STPG2: variants seen among roughly 807,000 people sequenced by gnomAD.
STPG2 encodes sperm-tail PG-rich repeat-containing protein 2.
STPG2 carries 56 observed loss-of-function variants against 54.2 expected under a neutral mutation model. The ratio of observed to expected loss-of-function variants is 1.03; its 90% CI spans 0.83 to 1.29. The LOEUF (loss-of-function observed/expected upper bound fraction) is 1.29. Ranked by LOEUF, STPG2 falls within the 50% of genes most tolerant of loss-of-function variation. The probability of loss-of-function intolerance (pLI) is 0.00; values close to 1 mark genes in which losing one functional copy is unlikely to be tolerated. For missense variants in STPG2, 596 were observed against 544.9 expected (o/e 1.09, Z -0.93); for synonymous variants, 200 against 181.8 (o/e 1.10, Z -0.81).
intron 9 of STPG2, among the ~76,000 whole-genome samples, chr4:97,724,831 A>G (rs1724566106): frequency 6.6e-6 from 1 of 152,162 alleles, no homozygotes; most frequent in African/African-American, 2.4e-5. Context: ...TCAAGTTAAG[A>G]AAGTTACTTG....
chr4:97,979,678 G>T (rs528283296), intron 6 of STPG2, among the ~76,000 whole-genome samples: 1 of 151,612 alleles, frequency 6.6e-6, no homozygotes. Flanking sequence ...TTAAGGTTAG[G>T]AGTTAAAGAC....
chr4:97,702,940 C>G (rs1399934335), intron 10 of STPG2, among the ~76,000 whole-genome samples: 2 of 152,114 alleles, frequency 1.3e-5, no homozygotes, highest in African/African-American at 2.4e-5. Context: ...GACTCTGACT[C>G]AGGGCAATCT....
rs201048953 is a variant in STPG2, at chr4:97,999,021, T to C, written c.613-17703A>G. 7.0e-4 allele frequency among the ~76,000 whole-genome samples: 52 copies of C among 73,878 alleles called. 1 individual carries two copies. Among genetic ancestry groups the C allele is most frequent in the Admixed American group, 2.5e-3 (21 of 8,452 alleles). 48.5% of individuals were successfully genotyped at this position (73,878 alleles called of 152,430 possible). On this transcript the variant is annotated intron_variant, in intron 5 of 10. Coordinates refer to ENST00000295268, the MANE Select transcript of STPG2 (RefSeq NM_174952.3). ...CTCTTTCTATTTGTATTTTTTTTTC[T>C]GTAATAAACTATAGATTTAAGCATT...
At position 97,943,967 on chromosome 4, in the gene STPG2, A is replaced by G; in HGVS notation, c.974T>C (p.Leu325Ser). The G allele has an allele frequency of 6.2e-7, 1 of 1,607,130 alleles. No homozygotes were observed. Among genetic ancestry groups the G allele is most frequent in the Non-Finnish European group, 8.5e-7 (1 of 1,177,840 alleles). ...AGCATATTTGTTAGTCAAGTTAGGT[A>G]ATTCATCAGAAATTCCCACACCCTG... ...HSQGVGISDE[L>S]PNLTNKYAAF... The change falls in exon 8 of 11, where the codon TTA becomes TCA. Residue 325 changes from leucine to serine, a missense_variant. Coordinates refer to ENST00000295268, the MANE Select transcript of STPG2 (RefSeq NM_174952.3).
chr4:97,685,154 A>G (rs962897204), intron 10 of STPG2, among the ~76,000 whole-genome samples: 1 of 152,098 alleles, frequency 6.6e-6, no homozygotes, highest in Non-Finnish European at 1.5e-5. Context: ...TTTAGAAGAC[A>G]ATCTGGCAGC....
intron 5 of STPG2, among the ~76,000 whole-genome samples, chr4:98,067,900 T>G (rs1033409241): frequency 6.6e-6 from 1 of 152,164 alleles, no homozygotes; most frequent in South Asian, 2.1e-4. Context: ...TCTATCATTA[T>G]CCCAAATCCC....
chr4:97,489,123 GCT>G (rs1339066703), intron 4 of STPG2, among the ~76,000 whole-genome samples: 1 of 151,584 alleles, frequency 6.6e-6, no homozygotes, highest in Non-Finnish European at 1.5e-5. Context: ...CCCTGCACGA[GCT>G]CTCTCTCTTT....
rs964610442 is a variant in STPG2, at chr4:97,881,837, C to G, written c.1045-40905G>C. Among the ~76,000 whole-genome samples the G allele has an allele frequency of 6.6e-5, 10 of 152,152 alleles. No individual in the cohort carries two copies. The East Asian group carries it at 1.2e-3, about 18-fold the overall frequency. On this transcript the variant is annotated intron_variant, in intron 8 of 10. Transcript: ENST00000295268. ...CATCACAATCTCCAAATCTGTTCAC[C>G]CTTGGTTAGTCAGACTTAATGTTTT... is the stretch of plus-strand genomic sequence containing the variant.
chr4:97,918,663 C>A (rs6839203), intron 8 of STPG2, among the ~76,000 whole-genome samples: 1 of 151,878 alleles, frequency 6.6e-6, no homozygotes, highest in African/African-American at 2.4e-5. Context: ...ATGGCATTCA[C>A]AGCAGCCTGG....
At chr4:98,100,092 C>T (rs543872366) in intron 5 of STPG2, among the ~76,000 whole-genome samples, 4 of 152,038 alleles carry the variant, frequency 2.6e-5, no homozygotes, top group African/African-American at 9.6e-5. Context: ...ACTCTTTAAA[C>T]TATTTTACTA....
intron 5 of STPG2, among the ~76,000 whole-genome samples, chr4:98,073,051 T>C (rs1466981526): frequency 6.6e-6 from 1 of 152,204 alleles, no homozygotes; most frequent in East Asian, 1.9e-4. Flanking sequence ...GTGGTGGTTA[T>C]CACAGGTATT....
At chr4:98,025,524 C>G in intron 5 of STPG2, 2 of 670,948 alleles carry the variant, frequency 3.0e-6, no homozygotes, top group Non-Finnish European at 5.5e-6. Flanking sequence ...TATAAAACAC[C>G]CAAATACAGG....
intron 8 of STPG2, among the ~76,000 whole-genome samples, chr4:97,911,903 G>A (rs1297942708): frequency 3.9e-5 from 6 of 152,066 alleles, no homozygotes; most frequent in Admixed American, 6.6e-5. Context: ...TCCAACAAGA[G>A]TCTCCAGACA....
At chr4:97,972,723 G>C (rs894143603) in intron 6 of STPG2, among the ~76,000 whole-genome samples, 4 of 152,150 alleles carry the variant, frequency 2.6e-5, no homozygotes, top group Non-Finnish European at 5.9e-5. Flanking sequence ...AACCCAGTGG[G>C]AGGTAATTGA....
chr4:97,650,743 T>C (rs1243841763), intron 10 of STPG2, among the ~76,000 whole-genome samples: 2 of 152,124 alleles, frequency 1.3e-5, no homozygotes, highest in Non-Finnish European at 2.9e-5. Flanking sequence ...CCTAGAAGAA[T>C]AAGATCCAGC....
chr4:97,776,947 A>G (rs769232732), intron 9 of STPG2, among the ~76,000 whole-genome samples: 5 of 152,150 alleles, frequency 3.3e-5, no homozygotes, highest in African/African-American at 4.8e-5. Flanking sequence ...TCCGTTTACT[A>G]ATTTTAGGAG....
chr4:97,729,759 C>A (rs1724741565), intron 9 of STPG2, among the ~76,000 whole-genome samples: 1 of 152,094 alleles, frequency 6.6e-6, no homozygotes, highest in Non-Finnish European at 1.5e-5. Context: ...AGGACCCAGA[C>A]AAGAGCAATA....
chr4:97,851,688 C>T (rs1189715944), intron 8 of STPG2, among the ~76,000 whole-genome samples: 1 of 152,124 alleles, frequency 6.6e-6, no homozygotes, highest in African/African-American at 2.4e-5. Context: ...CTAACTTTCA[C>T]AAAATCATTA....
chr4:98,012,167 T>C (rs1735776590), intron 5 of STPG2, among the ~76,000 whole-genome samples: 1 of 152,216 alleles, frequency 6.6e-6, no homozygotes. Context: ...TTTCTGCATA[T>C]GGCTAGCCAG....
Sources: gnomAD v4.1 joint callset for allele counts (sites outside exome capture counted in the v4.1 genomes callset) on GRCh38, gnomAD v4.1.1 for gene constraint, MANE v1.5 for transcripts, NCBI Gene and HGNC (gene_info 2026-07-23, HGNC 2026-07-21) for gene names.